Variants in ACAP3 observed in about 807,000 individuals in gnomAD.
ACAP3 encodes the protein arf-GAP with coiled-coil, ANK repeat and PH domain-containing protein 3.
A neutral mutation model predicts 104.1 loss-of-function variants in ACAP3; 56 were observed. The ratio of observed to expected loss-of-function variants is 0.54; its 90% confidence interval spans 0.43 to 0.67. The LOEUF (loss-of-function observed/expected upper bound fraction) is 0.67. Among genes scored for constraint, ACAP3 ranks in the 30% least tolerant of loss-of-function variants. The pLI is 0.00. For missense variants in ACAP3, 1,208 were observed against 1,174.9 expected (o/e 1.03, Z -0.41); for synonymous variants, 628 against 496.2 (o/e 1.27, Z -3.53).
At chr1:1,299,008 A>G in intron 10 of ACAP3, 2 of 553,854 alleles carry the variant, frequency 3.6e-6, no homozygotes, top group South Asian at 2.2e-5. Context: ...TGCCCCATTC[A>G]TGTGGCCAGC....
Position 1,293,901 on chromosome 1 carries a change from T to C in ACAP3, c.2282A>G (p.Asp761Gly), listed in dbSNP as rs1435134274. ...CTGCTCTTGGTCCAGGGCGTGCTGG[T>C]CCGCGCCCCGCTTCAGGAACAGGCA... ...QVCLFLKRGA[D>G]QHALDQEQRD... The change falls in exon 23 of 24, where the codon GAC becomes GGC. Residue 761 changes from aspartate (D) to glycine (G), a missense_variant. Asp to Gly is a moderately conservative substitution (Grantham distance 94). Transcript: ENST00000354700. The C allele has an allele frequency of 6.3e-7, 1 of 1,580,342 alleles. No homozygotes were observed. The highest frequency in any genetic ancestry group is 1.4e-5 in the African/African-American group (1 of 71,200).
chr1:1,297,169 G>A (rs983166625), intron 14 of ACAP3, among the ~76,000 whole-genome samples: 1 of 143,338 alleles, frequency 7.0e-6, no homozygotes, highest in Non-Finnish European at 1.5e-5. Context: ...GCACAGGCGC[G>A]GGGCAGGGGC....
At chr1:1,296,789 A>C (rs909638845) in intron 14 of ACAP3, among the ~76,000 whole-genome samples, 156 bp from the exon 15 acceptor site, 4 of 147,982 alleles carry the variant, frequency 2.7e-5, no homozygotes, top group African/African-American at 1.0e-4. Flanking sequence ...TCACGTGGGC[A>C]GATGGCCCCC....
At chr1:1,300,094 C>T in intron 7 of ACAP3, 26 bp from the exon 8 acceptor site, 4 of 1,609,230 alleles carry the variant, frequency 2.5e-6, no homozygotes, top group Middle Eastern at 1.7e-4. Flanking sequence ...AGGTGAGGCC[C>T]AAGCACACCC....
At position 1,294,434 on chromosome 1, in the gene ACAP3, C is replaced by T. The variant is rs759603957; in HGVS notation, c.2107G>A (p.Gly703Ser). Residue 703 changes from glycine to serine, a missense_variant, in exon 21 of 24, where the codon GGC becomes AGC. Transcript: ENST00000354700. ...EVNWADAEDEGKTPLVQAVLG... is the reference protein window; with the variant it reads ...EVNWADAEDESKTPLVQAVLG... ...ACGGCCTGCACCAGCGGCGTCTTGCCCTCATCCTCCGCGTCCGCCCAGTTG... is the reference window on the plus strand; with the variant it reads ...ACGGCCTGCACCAGCGGCGTCTTGCTCTCATCCTCCGCGTCCGCCCAGTTG... 10 of 1,576,562 alleles carry T rather than the reference C, an allele frequency of 6.3e-6. No homozygotes were observed. The highest frequency in any genetic ancestry group is 1.7e-5 in the Admixed American group (1 of 57,654).
Position 1,303,293 on chromosome 1 carries a change from CG to C in ACAP3, c.106-13del. 1 of 1,566,358 alleles carries C rather than the reference CG, an allele frequency of 6.4e-7. No homozygotes were observed. The highest frequency in any genetic ancestry group is 8.6e-7 in the Non-Finnish European group (1 of 1,156,610). On this transcript the variant is annotated splice_polypyrimidine_tract_variant and intron_variant, in intron 2 of 23. Coordinates refer to ENST00000354700, the MANE Select transcript of ACAP3 (RefSeq NM_030649.3). The surrounding 1 kb of genome is among the most constrained non-coding windows in gnomAD (Gnocchi z 4.0). ...CACAGCTTCACCAGCTGTGGGCCAG[CG>C]GGGCGTGGTGAGCACAGTGGGCACT...
chr1:1,296,775 A>G, intron 14 of ACAP3, 142 bp from the exon 15 acceptor site: 1 of 858,732 alleles, frequency 1.2e-6, no homozygotes. Flanking sequence ...ACACGCGCAC[A>G]CCCTCACGTG....
rs1428646775 is a variant in ACAP3, at chr1:1,304,080, C to T, written c.105+6G>A. The stretch of plus-strand genomic sequence containing the variant: ...GGGCACAGGGCGCTCCAGGCCCGCC[C>T]TTCACCTTGTCCAGTTTGGCCTCAA... On this transcript the variant is annotated splice_donor_region_variant and intron_variant, in intron 2 of 23. Coordinates refer to ENST00000354700, the MANE Select transcript of ACAP3 (RefSeq NM_030649.3). The T allele has an allele frequency of 1.3e-6, 2 of 1,550,630 alleles. No individual in the cohort carries two copies. The highest frequency in any genetic ancestry group is 2.4e-5 in the South Asian group (2 of 84,064).
Position 1,295,803 on chromosome 1 carries a change from G to C in ACAP3, c.1638C>G (p.Arg546=). 1 of 1,609,824 alleles carries C rather than the reference G, an allele frequency of 6.2e-7. No individual in the cohort carries two copies. Among genetic ancestry groups the C allele is most frequent in the Non-Finnish European group, 8.5e-7 (1 of 1,179,834 alleles). The part of the protein sequence containing the change: ...QKCLRPHSSP[R]APTARRKVRL... ...GGACCTTGCGGCGGGCAGTGGGAGCGCGGGGAGAGCTGTGGGGCCGCAGGC... is the reference window on the plus strand; with the variant it reads ...GGACCTTGCGGCGGGCAGTGGGAGCCCGGGGAGAGCTGTGGGGCCGCAGGC... Residue 546 remains arginine, a synonymous_variant, in exon 18 of 24, where the codon CGC becomes CGG. Coordinates refer to ENST00000354700, the MANE Select transcript of ACAP3 (RefSeq NM_030649.3).
In ACAP3 at chr1:1,296,606, T is replaced by C. The variant is rs1173990745; in HGVS notation, c.1156A>G (p.Thr386Ala). The stretch of plus-strand genomic sequence containing the variant: ...TCGGTGGCGGAGTCGATGCTGCTCG[T>C]GGACGGGGATGCTGTGCGGTCCAGC... ...ERLDRTASPSTSSIDSATDTR... is the reference protein window; with the variant it reads ...ERLDRTASPSASSIDSATDTR... Residue 386 changes from threonine to alanine, a missense_variant, in exon 15 of 24, where the codon ACG (threonine) becomes GCG (alanine). Thr to Ala is a moderately conservative substitution (Grantham distance 58). Transcript: ENST00000354700. 31 of 1,538,018 alleles carry C rather than the reference T, an allele frequency of 2.0e-5. No individual in the cohort carries two copies. The highest frequency in any genetic ancestry group is 2.3e-5 in the Non-Finnish European group (26 of 1,146,488).
chr1:1,297,087 C>T (rs1181962566), intron 14 of ACAP3, among the ~76,000 whole-genome samples: 1 of 152,190 alleles, frequency 6.6e-6, no homozygotes, highest in African/African-American at 2.4e-5. Context: ...GGGGCAGGGG[C>T]CATCCCCAGT....
chr1:1,306,745 A>C (rs1234274830), intron 1 of ACAP3, among the ~76,000 whole-genome samples: 1 of 152,202 alleles, frequency 6.6e-6, no homozygotes, highest in African/African-American at 2.4e-5. Flanking sequence ...CTGGTACCAC[A>C]CATACATGTG....
intron 4 of ACAP3, 106 bp from the exon 5 acceptor site, chr1:1,302,152 AG>A: frequency 8.5e-6 from 9 of 1,060,254 alleles, no homozygotes; most frequent in South Asian, 2.5e-5. Flanking sequence ...GCCCAGATGC[AG>A]GGGCGGGTCC....
intron 10 of ACAP3, 82 bp downstream of exon 10, chr1:1,299,263 C>A: frequency 4.6e-6 from 7 of 1,525,828 alleles, no homozygotes; most frequent in Non-Finnish European, 6.2e-6. Context: ...TGCTGAAGTG[C>A]CCTTGGGGTA....
chr1:1,306,712 A>ATGCACAAACATGCC (rs1458145627), intron 1 of ACAP3, among the ~76,000 whole-genome samples: 5 of 152,250 alleles, frequency 3.3e-5, no homozygotes, highest in African/African-American at 1.2e-4. Flanking sequence ...AAACATGTTC[A>ATGCACAAACATGCC]TGCACAAACA....
chr1:1,298,360 C>T lies in ACAP3; in HGVS notation c.915+10G>A, dbSNP rs1429775805. On this transcript the variant is annotated intron_variant, in intron 12 of 23. Coordinates refer to ENST00000354700, the MANE Select transcript of ACAP3 (RefSeq NM_030649.3). ...GCCATCAGGGCCCCAGCCCCAGGCC[C>T]AGGGCACACCTTGAGCTTCTTCTGG... The T allele has an allele frequency of 1.2e-6, 2 of 1,605,240 alleles. No homozygotes were observed. The highest frequency in any genetic ancestry group is 3.3e-4 in the Middle Eastern group (2 of 6,028).
In ACAP3 at chr1:1,303,528, C is replaced by T. The variant is rs1433785267; in HGVS notation, c.106-247G>A. 5.0e-6 allele frequency: 3 copies of T among 596,630 alleles called. No individual in the cohort carries two copies. Among genetic ancestry groups the T allele is most frequent in the African/African-American group, 1.9e-5 (1 of 53,306 alleles). The allele number at this position is 596,630 out of a possible 1,614,324, so 37.0% of individuals were successfully genotyped here. ...AGGGACCAGGAGCCAGGCAGGGGAC[C>T]CAGGGCCAGCAGGACCAGCAGAACC... On this transcript the variant is annotated intron_variant, in intron 2 of 23. Transcript: ENST00000354700. This position sits in a 1 kb window ranked among gnomAD's most constrained non-coding sequence, Gnocchi z 4.0.
intron 4 of ACAP3, 71 bp downstream of exon 4, chr1:1,302,851 C>G: frequency 1.5e-6 from 2 of 1,350,398 alleles, no homozygotes; most frequent in Non-Finnish European, 2.0e-6. Context: ...CGACGCCGGC[C>G]TTCAGGTGAG....
intron 1 of ACAP3, chr1:1,304,375 G>T: frequency 6.6e-6 from 4 of 602,064 alleles, no homozygotes; most frequent in Non-Finnish European, 1.2e-5. Context: ...TGCCCTCGGG[G>T]AAGAAGGCTG....
Sources: gnomAD v4.1 joint callset for allele counts (sites outside exome capture counted in the v4.1 genomes callset) on GRCh38, gnomAD v4.1.1 for gene constraint, Gnocchi (gnomAD v3.1) non-coding constraint, MANE v1.5 for transcripts, NCBI Gene and HGNC (gene_info 2026-07-23, HGNC 2026-07-21) for gene names.